The following LRRC72 variants were observed in gnomAD, a reference collection of about 807,000 sequenced individuals.
LRRC72 encodes leucine-rich repeat-containing protein 72.
LRRC72 carries 41 observed loss-of-function variants against 35.8 expected under a neutral mutation model. The ratio of observed to expected loss-of-function variants is 1.15; its 90% CI spans 0.89 to 1.49. The LOEUF (loss-of-function observed/expected upper bound fraction) is 1.49. Among genes scored for constraint, LRRC72 ranks in the 40% most tolerant of loss-of-function variants. LRRC72 has a pLI of 0.00. For missense variants in LRRC72, 389 were observed against 330.7 expected (o/e 1.18, Z -1.37); for synonymous variants, 118 against 119.2 (o/e 0.99, Z 0.07).
At position 16,566,844 on chromosome 7, in the gene LRRC72, T is replaced by C. The variant is rs570647170; in HGVS notation, c.517+442T>C. ...AACATACAATGAATGATGACTTCTTTATGAATACATCTTCAAGATAGCATG... is the reference window on the plus strand; with the variant it reads ...AACATACAATGAATGATGACTTCTTCATGAATACATCTTCAAGATAGCATG... On this transcript the variant is annotated intron_variant, in intron 6 of 8. Coordinates refer to ENST00000401542, the MANE Select transcript of LRRC72 (RefSeq NM_001195280.2). 1.4e-3 allele frequency among the ~76,000 whole-genome samples: 212 copies of C among 152,290 alleles called. 1 individual carries two copies. Among genetic ancestry groups the C allele is most frequent in the African/African-American group, 5.0e-3 (208 of 41,584 alleles).
intron 3 of LRRC72, among the ~76,000 whole-genome samples, chr7:16,551,348 G>A (rs1490500914): frequency 6.6e-6 from 1 of 152,128 alleles, no homozygotes; most frequent in Non-Finnish European, 1.5e-5. Flanking sequence ...TCATTTCCTG[G>A]CATACAACTC....
intron 3 of LRRC72, among the ~76,000 whole-genome samples, chr7:16,537,910 T>C (rs1782287279): frequency 6.6e-6 from 1 of 152,182 alleles, no homozygotes; most frequent in Non-Finnish European, 1.5e-5. Context: ...AAGGGCAATC[T>C]GTGAGGTGCT....
intron 2 of LRRC72, chr7:16,537,180 T>C (rs1782271675): frequency 6.5e-6 from 1 of 153,126 alleles, no homozygotes; most frequent in Non-Finnish European, 1.5e-5. Flanking sequence ...GCAATTTCCA[T>C]CTGAGTCCAG....
intron 3 of LRRC72, among the ~76,000 whole-genome samples, chr7:16,551,110 T>C (rs550507552): frequency 1.3e-5 from 2 of 152,202 alleles, no homozygotes; most frequent in East Asian, 3.9e-4. Context: ...TGGGACCTAA[T>C]GCAATATGAC....
intron 3 of LRRC72, among the ~76,000 whole-genome samples, chr7:16,549,813 A>G (rs1397285570): frequency 6.6e-6 from 1 of 152,222 alleles, no homozygotes; most frequent in Non-Finnish European, 1.5e-5. Flanking sequence ...TACACAGCCA[A>G]AAAGTTATAA....
intron 3 of LRRC72, among the ~76,000 whole-genome samples, chr7:16,538,263 T>C (rs1162575218): frequency 1.3e-5 from 2 of 152,202 alleles, no homozygotes; most frequent in Non-Finnish European, 1.5e-5. Flanking sequence ...TTCTCCAGGT[T>C]TGGTATGGAA....
In LRRC72 at chr7:16,578,789, C is replaced by G. The variant is rs115348756; in HGVS notation, c.671-1285C>G. Among the ~76,000 whole-genome samples the G allele has an allele frequency of 5.1e-3, 779 of 152,196 alleles. 7 individuals are homozygous for G. Among genetic ancestry groups the G allele is most frequent in the African/African-American group, 0.018 (740 of 41,532 alleles). ...TTGTAATTAAAAATGAAGACGAGAA[C>G]AGGGAAATCCTGTCATTTTTTGACA... On this transcript the variant is annotated intron_variant, in intron 7 of 8. Coordinates refer to ENST00000401542, the MANE Select transcript of LRRC72 (RefSeq NM_001195280.2).
chr7:16,526,983 A>G lies in LRRC72; in HGVS notation c.31A>G (p.Thr11Ala). The change falls in exon 1 of 9, where the codon ACC (threonine) becomes GCC (alanine). Residue 11 changes from threonine to alanine, a missense_variant. Coordinates refer to ENST00000401542, the MANE Select transcript of LRRC72 (RefSeq NM_001195280.2). MSWDPNPVPR[T>A]LRCWRLRRAS... ...CTGGGACCCGAACCCCGTGCCCCGT[A>G]CCTTGCGATGCTGGCGCCTACGGAG... 1 of 1,539,988 alleles carries G rather than the reference A, an allele frequency of 6.5e-7. No individual in the cohort carries two copies. The highest frequency in any genetic ancestry group is 8.7e-7 in the Non-Finnish European group (1 of 1,146,916).
intron 3 of LRRC72, among the ~76,000 whole-genome samples, chr7:16,540,531 G>C (rs1208613385): frequency 6.6e-6 from 1 of 152,132 alleles, no homozygotes; most frequent in African/African-American, 2.4e-5. Context: ...TGAAATGTGA[G>C]AAAGACATGA....
intron 5 of LRRC72, among the ~76,000 whole-genome samples, chr7:16,565,590 T>C (rs1004143125): frequency 6.6e-6 from 1 of 152,202 alleles, no homozygotes; most frequent in Non-Finnish European, 1.5e-5. Context: ...AACATAACTA[T>C]GTGCTGATTC....
In LRRC72 at chr7:16,581,422, G is replaced by T. The variant is rs958668548; in HGVS notation, c.797G>T (p.Arg266Leu). Residue 266 changes from arginine to leucine, a missense_variant, in exon 9 of 9, where the codon CGA becomes CTA. Coordinates refer to ENST00000401542, the MANE Select transcript of LRRC72 (RefSeq NM_001195280.2). ...ATGAACTGGGACACAGTTCCAACAC[G>T]AGAGGAAAGGTACCTTGAAGAGGAA... is the stretch of plus-strand genomic sequence containing the variant. ...TSMNWDTVPT[R>L]EERYLEEEGT... 7.7e-6 allele frequency: 12 copies of T among 1,550,280 alleles called. No individual in the cohort carries two copies. The highest frequency in any genetic ancestry group is 2.4e-5 in the East Asian group (1 of 40,892).
intron 3 of LRRC72, among the ~76,000 whole-genome samples, chr7:16,552,828 G>A (rs1367207006): frequency 1.3e-5 from 2 of 152,150 alleles, no homozygotes; most frequent in East Asian, 1.9e-4. Context: ...GTTCAGCTTC[G>A]TGTCCTGAAC....
At chr7:16,549,732 G>A (rs891368559) in intron 3 of LRRC72, among the ~76,000 whole-genome samples, 3 of 152,168 alleles carry the variant, frequency 2.0e-5, no homozygotes, top group East Asian at 1.9e-4. Flanking sequence ...TTAATGGGGT[G>A]TAGTTTCTGA....
At chr7:16,536,201 G>A (rs1378797670) in intron 2 of LRRC72, among the ~76,000 whole-genome samples, 1 of 151,948 alleles carries the variant, frequency 6.6e-6, no homozygotes, top group African/African-American at 2.4e-5. Flanking sequence ...GGGAGAAAAA[G>A]GAAAGAAGAT....
rs565698032 is a variant in LRRC72, at chr7:16,566,225, C to T, written c.428-88C>T. On this transcript the variant is annotated intron_variant, in intron 5 of 8. Coordinates refer to ENST00000401542, the MANE Select transcript of LRRC72 (RefSeq NM_001195280.2). ...GCTTTACAAGTTCTTATGTTTTATA[C>T]GAATCTCTTAATTTTTTGTATTTTA... is the stretch of plus-strand genomic sequence containing the variant. 2.9e-4 allele frequency: 210 copies of T among 720,918 alleles called. 2 individuals are homozygous for T. In the East Asian group the frequency reaches 5.9e-3, roughly 20 times the overall value. 44.7% of individuals were successfully genotyped at this position (720,918 alleles called of 1,614,324 possible).
intron 7 of LRRC72, among the ~76,000 whole-genome samples, chr7:16,570,128 T>C (rs1415505246): frequency 6.6e-6 from 1 of 152,200 alleles, no homozygotes; most frequent in East Asian, 1.9e-4. Context: ...TTGGTGGAGA[T>C]TCTGTTACTA....
In LRRC72 at chr7:16,568,156, T is replaced by C. The variant is rs934408887; in HGVS notation, c.670+613T>C. Among the ~76,000 whole-genome samples the C allele has an allele frequency of 5.3e-5, 8 of 152,310 alleles. No individual in the cohort carries two copies. In the South Asian group the frequency reaches 1.7e-3, roughly 32 times the overall value. ...AAAGATAGGGTATCTAGGGTTAGCA[T>C]AAAGTTCTACAATGTTGTCACTGTT... is the stretch of plus-strand genomic sequence containing the variant. On this transcript the variant is annotated intron_variant, in intron 7 of 8. Coordinates refer to ENST00000401542, the MANE Select transcript of LRRC72 (RefSeq NM_001195280.2).
intron 5 of LRRC72, among the ~76,000 whole-genome samples, chr7:16,562,696 C>T (rs556865044): frequency 6.4e-4 from 98 of 152,284 alleles, no homozygotes; most frequent in African/African-American, 2.1e-3. Context: ...TTCTGGGATA[C>T]GGGGAGGGAC....
intron 3 of LRRC72, among the ~76,000 whole-genome samples, chr7:16,544,309 A>T (rs1249977512): frequency 6.6e-6 from 1 of 151,962 alleles, no homozygotes; most frequent in Non-Finnish European, 1.5e-5. Flanking sequence ...ATTTCTAAGG[A>T]CCTCCAACAT....
Sources: allele counts gnomAD v4.1 joint callset (sites outside exome capture counted in the v4.1 genomes callset), GRCh38; gene constraint gnomAD v4.1.1; transcripts MANE v1.5; gene names NCBI Gene and HGNC (gene_info 2026-07-23, HGNC 2026-07-21).